Variants in TRABD2B observed in about 807,000 individuals in gnomAD.
The protein encoded by TRABD2B is TraB domain containing 2B.
A neutral mutation model predicts 40.1 loss-of-function variants in TRABD2B; 14 were observed. The ratio of observed to expected loss-of-function variants is 0.35; its 90% CI spans 0.23 to 0.55. The LOEUF is 0.55. TRABD2B is among the 20% of genes least tolerant of loss of function. The pLI is 0.90. For missense variants in TRABD2B, 541 were observed against 648.6 expected, an observed-to-expected ratio of 0.83 and a Z score of 1.80; for synonymous variants, 263 against 277.0, an observed-to-expected ratio of 0.95 and a Z score of 0.50.
At chr1:47,919,056 G>A (rs139967722) in intron 2 of TRABD2B, among the ~76,000 whole-genome samples, 4 of 152,274 alleles carry the variant, frequency 2.6e-5, no homozygotes, top group African/African-American at 7.2e-5. Flanking sequence ...CCCGCGGTCC[G>A]CCAAGCTGCC....
chr1:47,860,761 A>C (rs759141501), intron 2 of TRABD2B, among the ~76,000 whole-genome samples: 1 of 152,104 alleles, frequency 6.6e-6, no homozygotes, highest in Non-Finnish European at 1.5e-5. Flanking sequence ...TACAGTAATG[A>C]GTTCTTGCTC....
At chr1:47,869,696 G>A (rs72894263) in intron 2 of TRABD2B, among the ~76,000 whole-genome samples, 6,513 of 152,300 alleles carry the variant, frequency 0.043, 319 homozygotes, top group East Asian at 0.21. Flanking sequence ...ACCTATTTCT[G>A]AGGCTCAATG....
rs895008087 is a variant in TRABD2B at position 47,772,383 on chromosome 1, G to C, written c.1349+2787C>G. ...GACGGGGCACCTCGGGTGGCACTCAGCCTGGTGAGGACAGGGGCAGCAGAC... is the reference window on the plus strand; with the variant it reads ...GACGGGGCACCTCGGGTGGCACTCACCCTGGTGAGGACAGGGGCAGCAGAC... On this transcript the variant is annotated intron_variant, in intron 6 of 6. Coordinates refer to ENST00000606738, the MANE Select transcript of TRABD2B (RefSeq NM_001194986.2). Among the ~76,000 whole-genome samples the C allele has an allele frequency of 2.0e-5, 3 of 151,786 alleles. No homozygotes were observed. In the East Asian group the frequency reaches 5.9e-4, roughly 30 times the overall value.
At chr1:47,806,810 A>G (rs75891023) in intron 2 of TRABD2B, among the ~76,000 whole-genome samples, 146 of 152,322 alleles carry the variant, frequency 9.6e-4, no homozygotes, top group African/African-American at 3.4e-3. Context: ...TTGAAGGCCT[A>G]TGTTCACTTG....
chr1:47,981,888 T>C (rs1187822676), intron 2 of TRABD2B, among the ~76,000 whole-genome samples: 1 of 152,088 alleles, frequency 6.6e-6, no homozygotes, highest in Non-Finnish European at 1.5e-5. Context: ...CTAGGTAACA[T>C]CCAACCTGTC....
chr1:47,874,711 A>G (rs1644198449), intron 2 of TRABD2B, among the ~76,000 whole-genome samples: 1 of 151,640 alleles, frequency 6.6e-6, no homozygotes, highest in African/African-American at 2.4e-5. Flanking sequence ...GGGACGACCG[A>G]CATGCACCAC....
chr1:47,889,144 C>CA (rs1366103512), intron 2 of TRABD2B, among the ~76,000 whole-genome samples: 5 of 152,190 alleles, frequency 3.3e-5, no homozygotes, highest in Admixed American at 1.3e-4. Flanking sequence ...AGAAAGAACC[C>CA]AATGAACAGC....
chr1:47,782,910 G>A (rs943108448), intron 4 of TRABD2B, among the ~76,000 whole-genome samples: 15 of 152,166 alleles, frequency 9.9e-5, no homozygotes, highest in African/African-American at 2.9e-4. Flanking sequence ...TCCTGGCCAC[G>A]GCTCAGCAGC....
At chr1:47,812,516 T>G (rs1644978937) in intron 2 of TRABD2B, among the ~76,000 whole-genome samples, 1 of 151,738 alleles carries the variant, frequency 6.6e-6, no homozygotes, top group African/African-American at 2.4e-5. Flanking sequence ...TGGCCAGAAG[T>G]TTGAGACAGG....
intron 2 of TRABD2B, among the ~76,000 whole-genome samples, chr1:47,939,397 A>T (rs989805922): frequency 1.3e-5 from 2 of 152,212 alleles, no homozygotes; most frequent in Non-Finnish European, 2.9e-5. Context: ...AATGATAAGA[A>T]GATTTTAAAT....
intron 2 of TRABD2B, among the ~76,000 whole-genome samples, chr1:47,861,000 C>T (rs11580232): frequency 0.06 from 9,114 of 152,178 alleles, 483 homozygotes; most frequent in African/African-American, 0.13. Flanking sequence ...TGGACTAAGA[C>T]AGGGTCTCAT....
intron 6 of TRABD2B, 101 bp downstream of exon 6, chr1:47,775,069 G>A (rs1049272575): frequency 8.7e-7 from 1 of 1,145,570 alleles, no homozygotes; most frequent in African/African-American, 1.6e-5. Flanking sequence ...CTTAGAGCAG[G>A]GCTGGCCTGA....
At chr1:47,845,189 C>G (rs7548282) in intron 2 of TRABD2B, among the ~76,000 whole-genome samples, 1 of 152,106 alleles carries the variant, frequency 6.6e-6, no homozygotes, top group Non-Finnish European at 1.5e-5. Context: ...CCTTCCCACC[C>G]CTTTTTCTGC....
At chr1:47,962,187 G>A (rs1645528625) in intron 2 of TRABD2B, among the ~76,000 whole-genome samples, 2 of 151,514 alleles carry the variant, frequency 1.3e-5, no homozygotes, top group Admixed American at 1.3e-4. Flanking sequence ...CACGGGAAGG[G>A]GAACATCACA....
chr1:47,985,619 T>C (rs1645908741), intron 2 of TRABD2B, among the ~76,000 whole-genome samples: 1 of 152,262 alleles, frequency 6.6e-6, no homozygotes, highest in Non-Finnish European at 1.5e-5. Flanking sequence ...TTTATAGGCA[T>C]GGTCTGATGA....
chr1:47,975,331 A>G (rs1301656349), intron 2 of TRABD2B, among the ~76,000 whole-genome samples: 1 of 152,248 alleles, frequency 6.6e-6, no homozygotes, highest in East Asian at 1.9e-4. Flanking sequence ...TGTTAGGTGA[A>G]TGAATGTGCA....
At chr1:47,916,095 T>A (rs1431640989) in intron 2 of TRABD2B, among the ~76,000 whole-genome samples, 3 of 145,612 alleles carry the variant, frequency 2.1e-5, no homozygotes, top group Non-Finnish European at 3.0e-5. Context: ...GGAAGGCACC[T>A]CTGGAGCAGC....
intron 2 of TRABD2B, among the ~76,000 whole-genome samples, chr1:47,886,407 C>A (rs1479258775): frequency 7.2e-5 from 11 of 152,248 alleles, no homozygotes; most frequent in Non-Finnish European, 1.6e-4. Context: ...CTCTCTACCT[C>A]TCCTCACTGC....
chr1:47,987,218 A>G (rs909873349), intron 2 of TRABD2B, among the ~76,000 whole-genome samples: 1 of 152,034 alleles, frequency 6.6e-6, no homozygotes, highest in Non-Finnish European at 1.5e-5. Flanking sequence ...ATCAGACAAT[A>G]TGTTTGCGGA....
Sources: allele counts gnomAD v4.1 joint callset (sites outside exome capture counted in the v4.1 genomes callset), GRCh38; gene constraint gnomAD v4.1.1; transcripts MANE v1.5; gene names NCBI Gene and HGNC (gene_info 2026-07-23, HGNC 2026-07-21).